CACNA1E: variants seen among roughly 807,000 people sequenced by gnomAD.
The protein encoded by CACNA1E is calcium voltage-gated channel subunit alpha1 E, also known as voltage-dependent R-type calcium channel subunit alpha-1E.
CACNA1E carries 40 observed loss-of-function variants against 259.2 expected under a neutral mutation model. That is an observed-to-expected ratio of 0.15 (90% CI 0.12 to 0.20). The LOEUF (loss-of-function observed/expected upper bound fraction) is 0.20. Among genes scored for constraint, CACNA1E ranks in the 10% least tolerant of loss-of-function variants. CACNA1E has a pLI of 1.00. For missense variants in CACNA1E, 1,874 were observed against 3,040.1 expected (o/e 0.62, Z 9.02); for synonymous variants, 1,104 against 1,138.5 (o/e 0.97, Z 0.61).
At chr1:181,495,880 C>T (rs562348707) in intron 1 of CACNA1E, among the ~76,000 whole-genome samples, 1 of 152,208 alleles carries the variant, frequency 6.6e-6, no homozygotes, top group Non-Finnish European at 1.5e-5. Flanking sequence ...TGTCAGAATA[C>T]TGTGCTAAGT....
chr1:181,495,058 A>C (rs1342227617), intron 1 of CACNA1E, among the ~76,000 whole-genome samples: 1 of 152,230 alleles, frequency 6.6e-6, no homozygotes, highest in African/African-American at 2.4e-5. Context: ...TATTTTAAGC[A>C]GGAGGTAGCA....
intron 1 of CACNA1E, among the ~76,000 whole-genome samples, chr1:181,369,900 C>T (rs1237355748): frequency 1.3e-5 from 2 of 152,138 alleles, no homozygotes; most frequent in Non-Finnish European, 2.9e-5. Flanking sequence ...TTTTGTCATC[C>T]AAGTAAATAA....
intron 6 of CACNA1E, among the ~76,000 whole-genome samples, chr1:181,600,858 T>C (rs1653671514): frequency 6.6e-6 from 1 of 152,070 alleles, no homozygotes; most frequent in Non-Finnish European, 1.5e-5. Flanking sequence ...GTGTTTTGAA[T>C]CATGAGATGG....
At chr1:181,796,577 G>A (rs1035553004) in intron 46 of CACNA1E, 91 bp from the exon 47 acceptor site, 2 of 973,460 alleles carry the variant, frequency 2.1e-6, no homozygotes, top group South Asian at 1.9e-5. Flanking sequence ...CCAACCCCAG[G>A]CTGTGATGTG....
chr1:181,686,123 T>C (rs944760879), intron 7 of CACNA1E, among the ~76,000 whole-genome samples: 2 of 151,982 alleles, frequency 1.3e-5, no homozygotes, highest in Non-Finnish European at 2.9e-5. Flanking sequence ...TGACTCCTAG[T>C]CAGTACCCTA....
At chr1:181,791,526 TGAA>T (rs1348713980) in intron 44 of CACNA1E, among the ~76,000 whole-genome samples, 1 of 152,116 alleles carries the variant, frequency 6.6e-6, no homozygotes, top group Non-Finnish European at 1.5e-5. Context: ...AGTGAAAGCC[TGAA>T]GAAGAGAGGA....
At chr1:181,396,490 G>C (rs1421029288) in intron 1 of CACNA1E, among the ~76,000 whole-genome samples, 2 of 152,222 alleles carry the variant, frequency 1.3e-5, no homozygotes, top group Non-Finnish European at 2.9e-5. Flanking sequence ...GAAGGGATGG[G>C]AGGAGGAGAA....
intron 2 of CACNA1E, among the ~76,000 whole-genome samples, chr1:181,428,365 C>T (rs549324606): frequency 2.6e-5 from 4 of 152,258 alleles, no homozygotes; most frequent in East Asian, 3.9e-4. Context: ...CTGACAGCTT[C>T]GGTTTTATCC....
chr1:181,614,067 G>T (rs1654993893), intron 6 of CACNA1E, among the ~76,000 whole-genome samples: 1 of 151,942 alleles, frequency 6.6e-6, no homozygotes, highest in African/African-American at 2.4e-5. Context: ...TAGTCTATAG[G>T]TATGCCTTGC....
At chr1:181,761,231 T>G (rs1658552401) in intron 32 of CACNA1E, among the ~76,000 whole-genome samples, 1 of 152,204 alleles carries the variant, frequency 6.6e-6, no homozygotes, top group Non-Finnish European at 1.5e-5. Flanking sequence ...TAAGTGATGT[T>G]CATAACCTTC....
chr1:181,738,626 T>G (rs1656280124), intron 24 of CACNA1E, among the ~76,000 whole-genome samples, 200 bp downstream of exon 24: 1 of 152,188 alleles, frequency 6.6e-6, no homozygotes, highest in South Asian at 2.1e-4. Flanking sequence ...GTGTTTGTAC[T>G]GCTGCAGGCC....
chr1:181,589,613 G>A (rs1363144410), intron 6 of CACNA1E, among the ~76,000 whole-genome samples: 1 of 152,124 alleles, frequency 6.6e-6, no homozygotes, highest in Admixed American at 6.5e-5. Flanking sequence ...CAGCTACCTG[G>A]AAGGCTGAGG....
chr1:181,333,216 A>G (rs1004514021), intron 1 of CACNA1E, among the ~76,000 whole-genome samples: 1 of 152,180 alleles, frequency 6.6e-6, no homozygotes, highest in African/African-American at 2.4e-5. Context: ...CCCTTCTGGC[A>G]TGAACACACT....
At chr1:181,408,102 A>G (rs1451320684) in intron 1 of CACNA1E, among the ~76,000 whole-genome samples, 1 of 152,196 alleles carries the variant, frequency 6.6e-6, no homozygotes, top group Admixed American at 6.5e-5. Context: ...TTGGTGGTCT[A>G]TGCAGTGGAG....
At chr1:181,583,302 A>C (rs1056655976) in intron 6 of CACNA1E, among the ~76,000 whole-genome samples, 1 of 152,114 alleles carries the variant, frequency 6.6e-6, no homozygotes, top group Non-Finnish European at 1.5e-5. Flanking sequence ...TACAAATATA[A>C]ATATAACTGT....
chr1:181,732,956 A>G lies in CACNA1E; in HGVS notation c.2870A>G (p.Glu957Gly). 6.2e-7 allele frequency: 1 copy of G among 1,613,998 alleles called. No homozygotes were observed. Residue 957 changes from glutamate (E) to glycine (G), a missense_variant, in exon 20 of 48, where the codon GAG (glutamate) becomes GGG (glycine). Glu to Gly is a moderately conservative substitution (Grantham distance 98). This residue lies in a region of CACNA1E where 476 missense variants were observed against 514.0 expected (regional missense o/e 0.93). Transcript: ENST00000367573. The surrounding 1 kb of genome is among the most constrained non-coding windows in gnomAD (Gnocchi z 5.5). The part of the protein sequence containing the change: ...SLDEAMPTEG[E>G]KDHELRGNHG... Reference sequence around the variant, plus strand: ...GATGAAGCCATGCCCACTGAAGGGGAGAAGGACCATGAGCTCAGGGGCAAC... The same window carrying G: ...GATGAAGCCATGCCCACTGAAGGGGGGAAGGACCATGAGCTCAGGGGCAAC...
intron 1 of CACNA1E, among the ~76,000 whole-genome samples, chr1:181,507,958 C>G (rs1558067500): frequency 6.6e-6 from 1 of 152,104 alleles, no homozygotes; most frequent in Non-Finnish European, 1.5e-5. Flanking sequence ...ATGGAAGAGG[C>G]CCTGGTTTCA....
chr1:181,468,103 T>C (rs972733881), intron 2 of CACNA1E, among the ~76,000 whole-genome samples: 7 of 152,200 alleles, frequency 4.6e-5, no homozygotes, highest in Non-Finnish European at 8.8e-5. Flanking sequence ...ATTAGGTTAT[T>C]ACCCATCTGT....
At chr1:181,431,591 G>A (rs1334090102) in intron 2 of CACNA1E, among the ~76,000 whole-genome samples, 1 of 152,152 alleles carries the variant, frequency 6.6e-6, no homozygotes, top group Admixed American at 6.5e-5. Flanking sequence ...CTTAACACAG[G>A]TATCATTTCC....
Sources: gnomAD v4.1 joint callset for allele counts (sites outside exome capture counted in the v4.1 genomes callset) on GRCh38, gnomAD v4.1.1 for gene constraint, gnomAD v4.1.1 regional missense constraint, Gnocchi (gnomAD v3.1) non-coding constraint, MANE v1.5 for transcripts, NCBI Gene and HGNC (gene_info 2026-07-23, HGNC 2026-07-21) for gene names.